The following MYO9A variants were observed in gnomAD, a reference collection of about 807,000 sequenced individuals.
The protein encoded by MYO9A is unconventional myosin-IXa.
A neutral mutation model predicts 293.3 loss-of-function variants in MYO9A; 103 were observed. The ratio of observed to expected loss-of-function variants is 0.35; its 90% CI spans 0.30 to 0.41. The LOEUF (loss-of-function observed/expected upper bound fraction) is 0.41. Ranked by LOEUF, MYO9A falls within the 10% of genes least tolerant of loss-of-function variation. The probability of loss-of-function intolerance (pLI) is 1.00; values close to 1 mark genes in which losing one functional copy is unlikely to be tolerated. For missense variants in MYO9A, 2,685 were observed against 3,033.0 expected, an observed-to-expected ratio of 0.89 and a Z score of 2.69; for synonymous variants, 1,001 against 1,035.7, an observed-to-expected ratio of 0.97 and a Z score of 0.64.
Position 71,854,471 on chromosome 15 carries a change from G to C in MYO9A, c.6252C>G (p.Asn2084Lys). The change falls in exon 35 of 42, where the codon AAC (asparagine) becomes AAG (lysine). Residue 2084 changes from asparagine (N) to lysine (K), a missense_variant. Physicochemically the swap from Asn to Lys is moderately conservative, Grantham distance 94. Around this residue, in one of 10 missense-constraint regions of MYO9A, gnomAD observed 238 missense variants for 269.1 expected, o/e 0.88. Transcript: ENST00000356056. Reference sequence around the variant, plus strand: ...TATACAGTCCATGCATTTCAATGTAGTTTATGAGCTTTTCCACTACTAAAG... The same window carrying C: ...TATACAGTCCATGCATTTCAATGTACTTTATGAGCTTTTCCACTACTAAAG... Reference protein sequence around the residue: ...TVPLVVEKLINYIEMHGLYTE... With the variant: ...TVPLVVEKLIKYIEMHGLYTE... The C allele has an allele frequency of 6.2e-7, 1 of 1,613,764 alleles. No individual in the cohort carries two copies. The highest frequency in any genetic ancestry group is 8.5e-7 in the Non-Finnish European group (1 of 1,179,802).
intron 39 of MYO9A, among the ~76,000 whole-genome samples, chr15:71,836,475 A>G (rs1055897375): frequency 9.2e-5 from 14 of 152,090 alleles, no homozygotes; most frequent in Non-Finnish European, 1.9e-4. Flanking sequence ...CTGAAGACAC[A>G]TATATCCTGT....
At chr15:71,835,009 A>G (rs1451718923) in intron 39 of MYO9A, among the ~76,000 whole-genome samples, 1 of 152,142 alleles carries the variant, frequency 6.6e-6, no homozygotes, top group African/African-American at 2.4e-5. Context: ...TCCATTAGAA[A>G]TGGACTCAGT....
intron 18 of MYO9A, among the ~76,000 whole-genome samples, chr15:71,919,373 G>A (rs775611839): frequency 6.6e-6 from 1 of 152,028 alleles, no homozygotes; most frequent in Non-Finnish European, 1.5e-5. Context: ...AGCTCAGGGG[G>A]CAGAGGCTGC....
At chr15:71,987,736 T>C (rs2076441461) in intron 11 of MYO9A, among the ~76,000 whole-genome samples, 1 of 152,234 alleles carries the variant, frequency 6.6e-6, no homozygotes, top group South Asian at 2.1e-4. Context: ...CCTACAAATG[T>C]ACCTGTGATA....
intron 32 of MYO9A, among the ~76,000 whole-genome samples, chr15:71,863,083 G>A (rs1478188893): frequency 1.3e-5 from 2 of 151,528 alleles, no homozygotes; most frequent in Non-Finnish European, 2.9e-5. Flanking sequence ...CTACCACTAC[G>A]CCTGGATAAT....
chr15:72,021,533 A>G (rs1040345683), intron 4 of MYO9A, among the ~76,000 whole-genome samples: 2 of 152,164 alleles, frequency 1.3e-5, no homozygotes, highest in Non-Finnish European at 2.9e-5. Flanking sequence ...TCCCTAAGAA[A>G]TATCATTATT....
intron 18 of MYO9A, among the ~76,000 whole-genome samples, chr15:71,922,426 A>T (rs970134344): frequency 6.6e-6 from 1 of 152,230 alleles, no homozygotes; most frequent in Non-Finnish European, 1.5e-5. Flanking sequence ...AATCAGGCTA[A>T]ATAAAATATC....
chr15:72,066,664 C>T (rs190181444), intron 1 of MYO9A, among the ~76,000 whole-genome samples: 216 of 152,174 alleles, frequency 1.4e-3, no homozygotes, highest in African/African-American at 4.6e-3. Flanking sequence ...GAAGGCCTTA[C>T]AAAGTTTTAT....
At chr15:71,995,561 CAAA>C (rs759642698) in intron 9 of MYO9A, among the ~76,000 whole-genome samples, 1 of 85,334 alleles carries the variant, frequency 1.2e-5, no homozygotes. Flanking sequence ...CATAAATTTA[CAAA>C]AAAAAAAAAA....
intron 8 of MYO9A, among the ~76,000 whole-genome samples, chr15:72,007,046 G>A (rs571502730): frequency 2.0e-4 from 31 of 152,316 alleles, no homozygotes; most frequent in Middle Eastern, 3.4e-3. Context: ...AATGATCCAC[G>A]TGGGGAATGG....
At chr15:72,013,102 G>A (rs954912319) in intron 6 of MYO9A, among the ~76,000 whole-genome samples, 1 of 152,164 alleles carries the variant, frequency 6.6e-6, no homozygotes, top group Non-Finnish European at 1.5e-5. Flanking sequence ...TCTTGAGACA[G>A]ACCAAGAGTC....
chr15:71,880,907 A>G (rs1315357870), intron 28 of MYO9A, among the ~76,000 whole-genome samples: 1 of 152,200 alleles, frequency 6.6e-6, no homozygotes, highest in Non-Finnish European at 1.5e-5. Flanking sequence ...ATAAAACCAT[A>G]CTAGCATATT....
At chr15:72,010,776 A>G (rs2077149961) in intron 6 of MYO9A, among the ~76,000 whole-genome samples, 1 of 152,222 alleles carries the variant, frequency 6.6e-6, no homozygotes, top group Admixed American at 6.5e-5. Context: ...GAGTGGTTCT[A>G]AAGGGTTTCA....
intron 1 of MYO9A, among the ~76,000 whole-genome samples, chr15:72,050,906 G>C (rs987360623): frequency 6.6e-6 from 1 of 152,002 alleles, no homozygotes; most frequent in Non-Finnish European, 1.5e-5. Flanking sequence ...ACCACACTAT[G>C]GCATGACTAA....
intron 1 of MYO9A, among the ~76,000 whole-genome samples, chr15:72,086,853 C>T (rs1484791170): frequency 2.0e-5 from 3 of 151,968 alleles, no homozygotes; most frequent in Non-Finnish European, 4.4e-5. Context: ...CCACAACCTC[C>T]GCCTCCCAGG....
rs1241946724 is a variant in MYO9A, at chr15:71,883,828, G to A, written c.5256-92C>T. 5.3e-6 allele frequency: 6 copies of A among 1,122,680 alleles called. No individual in the cohort carries two copies. The African/African-American group carries it at 8.0e-5, about 15-fold the overall frequency. 69.5% of individuals were successfully genotyped at this position (1,122,680 alleles called of 1,614,324 possible). Reference sequence around the variant, plus strand: ...ACTTTAAGCTTTACAAATCTTCTATGTATATTAGCTCATTTAAGCTTCACA... The same window carrying A: ...ACTTTAAGCTTTACAAATCTTCTATATATATTAGCTCATTTAAGCTTCACA... On this transcript the variant is annotated intron_variant, in intron 27 of 41. Transcript: ENST00000356056.
rs550106773 is a variant in MYO9A, at chr15:72,048,041, A to G, written c.-71-1407T>C. 7.2e-5 allele frequency among the ~76,000 whole-genome samples: 11 copies of G among 151,876 alleles called. No homozygotes were observed. The South Asian group carries it at 1.0e-3, about 14-fold the overall frequency. On this transcript the variant is annotated intron_variant, in intron 1 of 41. Transcript: ENST00000356056. ...GTCAAAGTCTTCTAATCAAGAAACT[A>G]TTTTTTCCTGTTTGCCTAGATGGTC...
intron 14 of MYO9A, among the ~76,000 whole-genome samples, chr15:71,956,517 G>C (rs1296917788): frequency 6.7e-6 from 1 of 149,660 alleles, no homozygotes; most frequent in Non-Finnish European, 1.5e-5. Flanking sequence ...ATGGTGACGA[G>C]TGCCTGTAGT....
intron 13 of MYO9A, among the ~76,000 whole-genome samples, chr15:71,962,979 T>C (rs1007557155): frequency 1.3e-5 from 2 of 152,230 alleles, no homozygotes; most frequent in African/African-American, 4.8e-5. Flanking sequence ...GAACATACTT[T>C]GTGGTTTACC....
Sources: gnomAD v4.1 joint callset for allele counts (sites outside exome capture counted in the v4.1 genomes callset) on GRCh38, gnomAD v4.1.1 for gene constraint, gnomAD v4.1.1 regional missense constraint, MANE v1.5 for transcripts, NCBI Gene and HGNC (gene_info 2026-07-23, HGNC 2026-07-21) for gene names.